CDYL2: variants seen among roughly 807,000 people sequenced by gnomAD.
CDYL2 encodes chromodomain Y-like protein 2.
A neutral mutation model predicts 49.4 loss-of-function variants in CDYL2; 23 were observed. The ratio of observed to expected loss-of-function variants is 0.47; its 90% CI spans 0.34 to 0.66. The LOEUF is 0.66. Ranked by LOEUF, CDYL2 falls within the 30% of genes least tolerant of loss-of-function variation. The probability of loss-of-function intolerance (pLI) is 0.01; values close to 1 mark genes in which losing one functional copy is unlikely to be tolerated. For synonymous variants in CDYL2, 360 were observed against 268.8 expected (o/e 1.34, Z -3.32); for missense variants, 678 against 656.4 (o/e 1.03, Z -0.36).
chr16:80,615,440 T>C (rs1906786093), intron 4 of CDYL2, among the ~76,000 whole-genome samples: 1 of 152,156 alleles, frequency 6.6e-6, no homozygotes, highest in African/African-American at 2.4e-5. Flanking sequence ...CATGGGACCG[T>C]ATCTTCCACT....
chr16:80,629,385 A>C (rs1907449574), intron 3 of CDYL2, among the ~76,000 whole-genome samples: 1 of 152,202 alleles, frequency 6.6e-6, no homozygotes, highest in South Asian at 2.1e-4. Flanking sequence ...TCAAGAATAA[A>C]GGTGAACCGG....
At chr16:80,721,911 G>A (rs1460520084) in intron 1 of CDYL2, among the ~76,000 whole-genome samples, 1 of 152,182 alleles carries the variant, frequency 6.6e-6, no homozygotes, top group African/African-American at 2.4e-5. Context: ...TTCAGGGACT[G>A]TATTCCAGGC....
At chr16:80,702,023 A>C (rs1338326262) in intron 1 of CDYL2, among the ~76,000 whole-genome samples, 1 of 152,218 alleles carries the variant, frequency 6.6e-6, no homozygotes, top group Non-Finnish European at 1.5e-5. Flanking sequence ...GTAGCATCAA[A>C]TATCAGTGCC....
At chr16:80,652,537 G>A (rs1462842407) in intron 2 of CDYL2, among the ~76,000 whole-genome samples, 1 of 152,166 alleles carries the variant, frequency 6.6e-6, no homozygotes, top group African/African-American at 2.4e-5. Context: ...CAAAGCAATG[G>A]AGTATAACTT....
chr16:80,704,814 G>A (rs1251237222), intron 1 of CDYL2, among the ~76,000 whole-genome samples: 1 of 152,190 alleles, frequency 6.6e-6, no homozygotes, highest in Non-Finnish European at 1.5e-5. Flanking sequence ...AAAGGGACTG[G>A]GGCATGTTGA....
intron 1 of CDYL2, among the ~76,000 whole-genome samples, chr16:80,734,678 G>A (rs899383249): frequency 6.6e-6 from 1 of 152,150 alleles, no homozygotes; most frequent in Non-Finnish European, 1.5e-5. Flanking sequence ...CTATGTGAAA[G>A]ACACCATGTT....
At chr16:80,669,786 G>A (rs1909423427) in intron 2 of CDYL2, among the ~76,000 whole-genome samples, 1 of 152,190 alleles carries the variant, frequency 6.6e-6, no homozygotes, top group Non-Finnish European at 1.5e-5. Flanking sequence ...CTTGGACAAG[G>A]AGCCTCCAAA....
chr16:80,720,658 C>T (rs557201297), intron 1 of CDYL2, among the ~76,000 whole-genome samples: 12 of 152,200 alleles, frequency 7.9e-5, no homozygotes, highest in African/African-American at 2.9e-4. Context: ...CCTGGCATTT[C>T]TTCCTGGGAT....
intron 1 of CDYL2, among the ~76,000 whole-genome samples, chr16:80,754,860 T>A (rs1033559871): frequency 6.6e-6 from 1 of 152,138 alleles, no homozygotes; most frequent in Non-Finnish European, 1.5e-5. Flanking sequence ...GAGCCTCCTG[T>A]ATCAGGGAAG....
intron 1 of CDYL2, among the ~76,000 whole-genome samples, chr16:80,732,256 A>T (rs1213273697): frequency 6.6e-6 from 1 of 152,110 alleles, no homozygotes; most frequent in Non-Finnish European, 1.5e-5. Flanking sequence ...ACATTCTACA[A>T]CTGAGAGAGT....
intron 1 of CDYL2, among the ~76,000 whole-genome samples, chr16:80,749,029 C>G (rs1252293000): frequency 2.0e-5 from 3 of 151,742 alleles, no homozygotes; most frequent in African/African-American, 7.3e-5. Flanking sequence ...AAGCTGTAAA[C>G]TGGATATACA....
intron 1 of CDYL2, among the ~76,000 whole-genome samples, chr16:80,755,352 G>T (rs1597117201): frequency 1.3e-5 from 2 of 152,186 alleles, no homozygotes; most frequent in East Asian, 3.9e-4. Flanking sequence ...TCACCTAAGA[G>T]TCCCCCTCAG....
intron 1 of CDYL2, among the ~76,000 whole-genome samples, chr16:80,782,530 G>GGAAA (rs1555537948): frequency 8.4e-5 from 3 of 35,786 alleles, no homozygotes; most frequent in African/African-American, 2.8e-4. Flanking sequence ...GACATAAGGA[G>GGAAA]AAAAAAAAAA....
At chr16:80,624,578 C>A (rs190523854) in intron 3 of CDYL2, among the ~76,000 whole-genome samples, 1 of 152,206 alleles carries the variant, frequency 6.6e-6, no homozygotes, top group Admixed American at 6.5e-5. Context: ...AGCTCACAAT[C>A]AAAAATCACA....
At chr16:80,700,670 C>T (rs1021008503) in intron 1 of CDYL2, among the ~76,000 whole-genome samples, 7 of 152,134 alleles carry the variant, frequency 4.6e-5, no homozygotes, top group Non-Finnish European at 5.9e-5. Context: ...TGTGGGCATA[C>T]GAATAGCTAT....
At chr16:80,753,119 G>A (rs892423782) in intron 1 of CDYL2, among the ~76,000 whole-genome samples, 3 of 152,128 alleles carry the variant, frequency 2.0e-5, no homozygotes, top group Non-Finnish European at 4.4e-5. Flanking sequence ...TAAGGTCTGA[G>A]AAGTGGTAAA....
intron 1 of CDYL2, among the ~76,000 whole-genome samples, chr16:80,727,679 C>T (rs1416441766): frequency 2.0e-5 from 3 of 152,234 alleles, no homozygotes; most frequent in Admixed American, 1.3e-4. Flanking sequence ...GCAGTAACCT[C>T]TGCAGACTTA....
At chr16:80,670,788 G>A (rs1423415601) in intron 2 of CDYL2, among the ~76,000 whole-genome samples, 1 of 152,130 alleles carries the variant, frequency 6.6e-6, no homozygotes, top group African/African-American at 2.4e-5. Flanking sequence ...TGTGAATCGA[G>A]GCCTCGAGGC....
chr16:80,719,184 C>A (rs1479155103), intron 1 of CDYL2, among the ~76,000 whole-genome samples: 2 of 152,236 alleles, frequency 1.3e-5, no homozygotes, highest in African/African-American at 4.8e-5. Flanking sequence ...CAGTCACTGA[C>A]CCCCGTGAAT....
Sources: allele counts gnomAD v4.1 joint callset (sites outside exome capture counted in the v4.1 genomes callset), GRCh38; gene constraint gnomAD v4.1.1; transcripts MANE v1.5; gene names NCBI Gene and HGNC (gene_info 2026-07-23, HGNC 2026-07-21).